Variants in SLC5A12 observed in about 807,000 individuals in gnomAD.
SLC5A12 encodes sodium-coupled monocarboxylate transporter 2.
SLC5A12 carries 46 observed loss-of-function variants against 72.7 expected under a neutral mutation model. The observed-to-expected ratio is 0.63, with a 90% CI of 0.50 to 0.81. The LOEUF (loss-of-function observed/expected upper bound fraction) is 0.81, where lower values mean the gene tolerates loss of function less well. Ranked by LOEUF, SLC5A12 falls within the 30% of genes least tolerant of loss-of-function variation. The pLI is 0.00. For missense variants in SLC5A12, 683 were observed against 740.7 expected (o/e 0.92, Z 0.90); for synonymous variants, 275 against 264.4 (o/e 1.04, Z -0.39).
chr11:26,706,212 G>A (rs1855086862), intron 4 of SLC5A12, among the ~76,000 whole-genome samples: 1 of 152,024 alleles, frequency 6.6e-6, no homozygotes, highest in African/African-American at 2.4e-5. Context: ...CGAGAGAGAA[G>A]AACAGAGGTG....
chr11:26,683,216 A>T (rs919715940), intron 11 of SLC5A12, among the ~76,000 whole-genome samples: 4 of 152,182 alleles, frequency 2.6e-5, no homozygotes, highest in African/African-American at 9.7e-5. Flanking sequence ...TTTAAACTCA[A>T]TACATAGTTA....
chr11:26,693,613 T>G (rs1275665818), intron 8 of SLC5A12, among the ~76,000 whole-genome samples: 1 of 152,114 alleles, frequency 6.6e-6, no homozygotes, highest in African/African-American at 2.4e-5. Context: ...TATATTCAAT[T>G]CAAGTGATGC....
At chr11:26,722,470 T>A (rs1403946786), upstream of SLC5A12, among the ~76,000 whole-genome samples, 2 of 152,214 alleles carry the variant, frequency 1.3e-5, no homozygotes, top group Non-Finnish European at 2.9e-5. Flanking sequence ...TTTGTCTTGA[T>A]CTGTAAAATG....
At chr11:26,685,348 G>A (rs1463501635) in intron 10 of SLC5A12, among the ~76,000 whole-genome samples, 1 of 152,162 alleles carries the variant, frequency 6.6e-6, no homozygotes, top group East Asian at 1.9e-4. Flanking sequence ...AAGGCCAGGC[G>A]TAGTGGCTCA....
At chr11:26,699,789 T>G (rs912607435) in intron 6 of SLC5A12, among the ~76,000 whole-genome samples, 2 of 152,202 alleles carry the variant, frequency 1.3e-5, no homozygotes, top group African/African-American at 2.4e-5. Context: ...TCCTTATAAT[T>G]ATTTATGTCA....
intron 1 of SLC5A12, among the ~76,000 whole-genome samples, chr11:26,717,479 A>T (rs1257397141): frequency 6.6e-6 from 1 of 152,224 alleles, no homozygotes; most frequent in African/African-American, 2.4e-5. Flanking sequence ...GATAATGAAA[A>T]TATATGATAT....
intron 12 of SLC5A12, among the ~76,000 whole-genome samples, chr11:26,680,662 A>T (rs1209040828): frequency 6.6e-6 from 1 of 151,928 alleles, no homozygotes; most frequent in Non-Finnish European, 1.5e-5. Context: ...TTTAGAAGCC[A>T]TAGGTTCACA....
intron 4 of SLC5A12, among the ~76,000 whole-genome samples, chr11:26,707,511 T>G (rs1276337489): frequency 1.3e-5 from 2 of 151,934 alleles, no homozygotes; most frequent in East Asian, 3.9e-4. Context: ...TTCATCTTCT[T>G]GTCTCTCTGT....
intron 11 of SLC5A12, among the ~76,000 whole-genome samples, chr11:26,683,478 G>T (rs1203190599): frequency 1.3e-5 from 2 of 152,048 alleles, no homozygotes; most frequent in African/African-American, 4.8e-5. Flanking sequence ...TTAATGTTGT[G>T]GGCCTTTAAT....
At chr11:26,692,625 C>G (rs1854709566) in intron 8 of SLC5A12, 24 bp from the exon 9 acceptor site, 1 of 1,555,202 alleles carries the variant, frequency 6.4e-7, no homozygotes, top group African/African-American at 1.4e-5. Flanking sequence ...AAAGTGAGAA[C>G]ATGGTCTAAG....
intron 1 of SLC5A12, among the ~76,000 whole-genome samples, chr11:26,714,179 G>C (rs773371146): frequency 1.3e-5 from 2 of 151,468 alleles, no homozygotes; most frequent in Non-Finnish European, 2.9e-5. Context: ...GGGAAGGTAT[G>C]CTGTTTTCAG....
chr11:26,711,395 AG>A, intron 2 of SLC5A12, 37 bp from the exon 3 acceptor site: 1 of 1,558,554 alleles, frequency 6.4e-7, no homozygotes, highest in South Asian at 1.1e-5. Flanking sequence ...GCAGTGAGAA[AG>A]GGACATAGAA....
chr11:26,699,364 A>G (rs1205709051), intron 6 of SLC5A12, among the ~76,000 whole-genome samples: 1 of 152,188 alleles, frequency 6.6e-6, no homozygotes, highest in Non-Finnish European at 1.5e-5. Context: ...ATTTAAATGT[A>G]AAGACACACG....
rs888957555 is a variant in SLC5A12 at position 26,667,026 on chromosome 11, A to G, written c.*4076T>C. ...AAAATCTACCCATTAGTAATTTACT[A>G]TCAATGACGAGTTACATTTTATTAG... On this transcript the variant is annotated 3_prime_UTR_variant, in exon 15 of 15. Coordinates refer to ENST00000396005, the MANE Select transcript of SLC5A12 (RefSeq NM_178498.4). 6.6e-5 allele frequency: 10 copies of G among 152,040 alleles called. No homozygotes were observed. The highest frequency in any genetic ancestry group is 2.4e-4 in the African/African-American group (10 of 41,552). 9.4% of individuals were successfully genotyped at this position (152,040 alleles called of 1,614,324 possible). A position where few individuals can be genotyped will look rare whatever the true frequency, so the allele number is the denominator to read the frequency against.
intron 4 of SLC5A12, among the ~76,000 whole-genome samples, chr11:26,706,780 T>A (rs1178301394): frequency 6.6e-6 from 1 of 151,132 alleles, no homozygotes; most frequent in African/African-American, 2.4e-5. Flanking sequence ...TAATTCTTTT[T>A]TCTAAATTTC....
At chr11:26,681,647 C>T (rs1854413788) in intron 11 of SLC5A12, among the ~76,000 whole-genome samples, 1 of 152,102 alleles carries the variant, frequency 6.6e-6, no homozygotes, top group South Asian at 2.1e-4. Flanking sequence ...CCTAAGTAAC[C>T]AGCAGAGTCC....
At chr11:26,704,353 G>A (rs75733719) in intron 4 of SLC5A12, among the ~76,000 whole-genome samples, 4 of 152,148 alleles carry the variant, frequency 2.6e-5, no homozygotes, top group African/African-American at 7.2e-5. Flanking sequence ...ACAGAAGCGG[G>A]AACCAGCATG....
At chr11:26,720,324 C>CATAAATAAATAAATAA (rs142328311) in intron 1 of SLC5A12, among the ~76,000 whole-genome samples, 3,579 of 145,128 alleles carry the variant, frequency 0.025, 75 homozygotes, top group Middle Eastern at 0.043. Context: ...AGCCCCATCT[C>CATAAATAAATAAATAA]ATAAATAAAT....
intron 6 of SLC5A12, among the ~76,000 whole-genome samples, chr11:26,699,306 CA>C (rs1854902737): frequency 1.3e-5 from 2 of 152,152 alleles, no homozygotes; most frequent in Admixed American, 1.3e-4. Flanking sequence ...GCCAAGAGAG[CA>C]ACGCTGAACA....
Sources: allele counts gnomAD v4.1 joint callset (sites outside exome capture counted in the v4.1 genomes callset), GRCh38; gene constraint gnomAD v4.1.1; transcripts MANE v1.5; gene names NCBI Gene and HGNC (gene_info 2026-07-23, HGNC 2026-07-21).